GRAMD1B: variants seen among roughly 807,000 people sequenced by gnomAD.
GRAMD1B encodes GRAM domain containing 1B.
Under a neutral mutation model 99.7 loss-of-function variants are expected in GRAMD1B, and 37 were observed. The observed-to-expected ratio is 0.37, with a 90% CI of 0.29 to 0.49. The LOEUF (loss-of-function observed/expected upper bound fraction) is 0.49. Ranked by LOEUF, GRAMD1B falls within the 20% of genes least tolerant of loss-of-function variation. The probability of loss-of-function intolerance (pLI) is 0.98; values close to 1 mark genes in which losing one functional copy is unlikely to be tolerated. For missense variants in GRAMD1B, 888 were observed against 1,009.2 expected (o/e 0.88, Z 1.63); for synonymous variants, 427 against 387.6 (o/e 1.10, Z -1.19).
chr11:123,411,575 G>T (rs557242428), intron 1 of GRAMD1B, among the ~76,000 whole-genome samples: 2 of 152,244 alleles, frequency 1.3e-5, no homozygotes, highest in East Asian at 3.9e-4. Flanking sequence ...TTCCCCCAGA[G>T]ATTTAGAAAT....
intron 2 of GRAMD1B, among the ~76,000 whole-genome samples, chr11:123,506,016 G>T (rs1056667612): frequency 1.3e-5 from 2 of 152,154 alleles, no homozygotes; most frequent in African/African-American, 4.8e-5. Flanking sequence ...TCAGCACCCA[G>T]ACTCTGGAGA....
At chr11:123,619,289 G>A in intron 19 of GRAMD1B, 65 bp downstream of exon 19, 1 of 1,542,304 alleles carries the variant, frequency 6.5e-7, no homozygotes. Flanking sequence ...CCCTTATGCT[G>A]TGAGAAAGAT....
chr11:123,607,945 G>C (rs1311978342), intron 11 of GRAMD1B: 1 of 154,030 alleles, frequency 6.5e-6, no homozygotes, highest in African/African-American at 2.4e-5. Context: ...TATGGACACA[G>C]TGATGTGCCA....
chr11:123,480,544 C>T (rs1951537741), intron 1 of GRAMD1B, among the ~76,000 whole-genome samples: 1 of 152,110 alleles, frequency 6.6e-6, no homozygotes, highest in South Asian at 2.1e-4. Flanking sequence ...TTTATATAGC[C>T]AGGGAAGAGT....
intron 1 of GRAMD1B, among the ~76,000 whole-genome samples, chr11:123,403,799 C>T (rs2135933412): frequency 6.6e-6 from 1 of 152,168 alleles, no homozygotes; most frequent in Non-Finnish European, 1.5e-5. Flanking sequence ...CCGCCTTGGC[C>T]TCCCAAAGTG....
chr11:123,462,157 T>C (rs11219153), intron 1 of GRAMD1B, among the ~76,000 whole-genome samples: 70,424 of 150,974 alleles, frequency 0.47, 17,474 homozygotes, highest in East Asian at 0.9. Flanking sequence ...TTAGTAGAGA[T>C]GAGGTTTCAC....
chr11:123,522,261 C>A lies in GRAMD1B; in HGVS notation c.452+41368C>A, dbSNP rs143563010. ...CCGTCTCACTTGGTCTCAGTCTTTA[C>A]CTCAGAAAGCACTTCAATGTCTCTT... On this transcript the variant is annotated intron_variant, in intron 2 of 19. Coordinates refer to ENST00000635736, the MANE Select transcript of GRAMD1B (RefSeq NM_001387025.1). 1.9e-3 allele frequency among the ~76,000 whole-genome samples: 295 copies of A among 152,280 alleles called. 3 individuals are homozygous for A. Among genetic ancestry groups the A allele is most frequent in the African/African-American group, 6.7e-3 (280 of 41,554 alleles).
intron 1 of GRAMD1B, among the ~76,000 whole-genome samples, chr11:123,450,227 AG>A (rs1275201196): frequency 6.6e-6 from 1 of 152,134 alleles, no homozygotes; most frequent in Non-Finnish European, 1.5e-5. Flanking sequence ...GACCCATAAC[AG>A]TTTTGAAGAG....
intron 1 of GRAMD1B, among the ~76,000 whole-genome samples, chr11:123,362,056 G>A (rs192494582): frequency 4.3e-4 from 65 of 152,312 alleles, no homozygotes; most frequent in African/African-American, 1.5e-3. Context: ...ATGGGTTGAC[G>A]TTGATGAATT....
chr11:123,599,546 C>T (rs1951696827), intron 7 of GRAMD1B: 10 of 485,934 alleles, frequency 2.1e-5, no homozygotes, highest in South Asian at 1.4e-4. Context: ...TATCTTGGCT[C>T]ACTACAACCT....
chr11:123,359,051 T>C (rs1479605348), intron 1 of GRAMD1B, among the ~76,000 whole-genome samples: 1 of 152,100 alleles, frequency 6.6e-6, no homozygotes, highest in East Asian at 1.9e-4. Flanking sequence ...CTGAGATAGA[T>C]AGATTATCTC....
At chr11:123,460,460 G>A (rs74851036) in intron 1 of GRAMD1B, 6,689 of 152,272 alleles carry the variant, frequency 0.044, 422 homozygotes, top group East Asian at 0.13. Context: ...GGCCAGGAGC[G>A]TGATTGGGCA....
rs1591562639 is a variant in GRAMD1B, at chr11:123,450,135, T to C, written c.374+18969T>C. Among the ~76,000 whole-genome samples, 3 of 152,248 alleles carry C rather than the reference T, an allele frequency of 2.0e-5. No individual in the cohort carries two copies. In the South Asian group the frequency reaches 6.2e-4, roughly 32 times the overall value. On this transcript the variant is annotated intron_variant, in intron 1 of 19. Coordinates refer to ENST00000635736, the MANE Select transcript of GRAMD1B (RefSeq NM_001387025.1). ...GAGGTTCCAGAGAGCACAAGCACAT[T>C]GGGAACAATATTTTGTTTGATGGTG...
chr11:123,541,826 C>T (rs549221550), intron 2 of GRAMD1B, among the ~76,000 whole-genome samples: 72 of 152,232 alleles, frequency 4.7e-4, no homozygotes, highest in African/African-American at 1.6e-3. Context: ...TTATCCTATG[C>T]CTTTTTTTTG....
intron 1 of GRAMD1B, among the ~76,000 whole-genome samples, chr11:123,474,305 A>G (rs1292857806): frequency 6.6e-6 from 1 of 152,162 alleles, no homozygotes; most frequent in Non-Finnish European, 1.5e-5. Context: ...ACAGAACTGC[A>G]GTCTTTTAAG....
intron 2 of GRAMD1B, among the ~76,000 whole-genome samples, chr11:123,553,841 A>G (rs144723120): frequency 6.6e-6 from 1 of 152,324 alleles, no homozygotes; most frequent in Non-Finnish European, 1.5e-5. Flanking sequence ...TAGGGTCTCT[A>G]GAGTCCCTGA....
At chr11:123,480,516 G>A (rs1007781945) in intron 1 of GRAMD1B, among the ~76,000 whole-genome samples, 1 of 152,156 alleles carries the variant, frequency 6.6e-6, no homozygotes, top group African/African-American at 2.4e-5. Context: ...GAATGCTGGA[G>A]GCATTTGCTC....
intron 1 of GRAMD1B, among the ~76,000 whole-genome samples, chr11:123,393,575 C>T (rs537514560): frequency 2.6e-5 from 4 of 152,206 alleles, no homozygotes; most frequent in South Asian, 2.1e-4. Flanking sequence ...AGTTTCTCAC[C>T]GCGTGCATCT....
In GRAMD1B at chr11:123,413,675, A is replaced by G. The variant is rs1371381625; in HGVS notation, c.-176+54876A>G. 2.0e-5 allele frequency among the ~76,000 whole-genome samples: 3 copies of G among 152,078 alleles called. No individual in the cohort carries two copies. The South Asian group carries it at 6.2e-4, about 32-fold the overall frequency. On this transcript the variant is annotated intron_variant, in intron 1 of 20. Coordinates refer to the GRAMD1B transcript ENST00000638157. ...AGGTCTTCGCCTGAGGAGTAGGCAGATCCTGCACAGATAAATGTTCAGAGG... is the reference window on the plus strand; with the variant it reads ...AGGTCTTCGCCTGAGGAGTAGGCAGGTCCTGCACAGATAAATGTTCAGAGG...
Sources: allele counts gnomAD v4.1 joint callset (sites outside exome capture counted in the v4.1 genomes callset), GRCh38; gene constraint gnomAD v4.1.1; transcripts MANE v1.5; gene names NCBI Gene and HGNC (gene_info 2026-07-23, HGNC 2026-07-21).